GNB5: variants seen among roughly 807,000 people sequenced by gnomAD.
The protein encoded by GNB5 is guanine nucleotide-binding protein subunit beta-5.
Under a neutral mutation model 55.3 loss-of-function variants are expected in GNB5, and 37 were observed. The ratio of observed to expected loss-of-function variants is 0.67; its 90% CI spans 0.51 to 0.88. The LOEUF is 0.88. GNB5 is among the 40% of genes least tolerant of loss of function. The pLI is 0.00. For synonymous variants in GNB5, 219 were observed against 198.5 expected (o/e 1.10, Z -0.87); for missense variants, 476 against 515.3 (o/e 0.92, Z 0.74).
In GNB5 at chr15:52,123,258, C is replaced by T. The variant is rs181668451; in HGVS notation, c.1177-490G>A. Among the ~76,000 whole-genome samples, 3 of 152,306 alleles carry T rather than the reference C, an allele frequency of 2.0e-5. No individual in the cohort carries two copies. The East Asian group carries it at 5.8e-4, about 29-fold the overall frequency. On this transcript the variant is annotated intron_variant, in intron 12 of 12. Transcript: ENST00000261837. The stretch of plus-strand genomic sequence containing the variant: ...CAACTTACCCTCTTTAGAAAACACA[C>T]CCATGTCTCAGGACAATATAGAGCA...
At chr15:52,186,871 A>C (rs2034853479) in intron 1 of GNB5, among the ~76,000 whole-genome samples, 1 of 152,160 alleles carries the variant, frequency 6.6e-6, no homozygotes, top group African/African-American at 2.4e-5. Flanking sequence ...CAGTCAGCAC[A>C]GTTCGAGACC....
intron 12 of GNB5, among the ~76,000 whole-genome samples, chr15:52,124,145 C>A (rs1409142911): frequency 6.6e-6 from 1 of 152,036 alleles, no homozygotes; most frequent in Non-Finnish European, 1.5e-5. Flanking sequence ...GACTGGTTAT[C>A]TGTGGTTTGC....
At position 52,122,800 on chromosome 15, in the gene GNB5, C is replaced by T. The variant is rs773812798; in HGVS notation, c.1177-32G>A. The T allele has an allele frequency of 5.1e-6, 8 of 1,576,722 alleles. No homozygotes were observed. The African/African-American group carries it at 1.1e-4, about 21-fold the overall frequency. On this transcript the variant is annotated intron_variant, in intron 12 of 12. Transcript: ENST00000261837. The stretch of plus-strand genomic sequence containing the variant: ...AGACACAAACAGATAGTTTTTAGAC[C>T]TTTGTAGTTAACAACTTATAAAACT...
At chr15:52,190,778 TAAAAAAAAAAAAAAAAAAAAAAAAA>T (rs58614125) in intron 1 of GNB5, among the ~76,000 whole-genome samples, 3 of 96,934 alleles carry the variant, frequency 3.1e-5, no homozygotes, top group African/African-American at 4.4e-5. Flanking sequence ...CTTATTTCCT[TAAAAAAAAAAAAAAAAAAAAAAAAA>T]AAAAAAAAAA....
chr15:52,130,368 A>C, intron 9 of GNB5, among the ~76,000 whole-genome samples: 1 of 152,232 alleles, frequency 6.6e-6, no homozygotes, highest in East Asian at 1.9e-4. Flanking sequence ...GGCCCACTGA[A>C]TCAGTCCCTG....
At chr15:52,171,174 A>G (rs2034548380) in intron 3 of GNB5, among the ~76,000 whole-genome samples, 2 of 152,064 alleles carry the variant, frequency 1.3e-5, no homozygotes, top group South Asian at 4.2e-4. Context: ...TGGAGAATTA[A>G]GTTATGGGAC....
intron 7 of GNB5, chr15:52,136,895 A>C (rs1457689848): frequency 1.4e-5 from 6 of 431,570 alleles, no homozygotes; most frequent in Non-Finnish European, 2.7e-5. Flanking sequence ...AACCATATTG[A>C]GACCAAGTAA....
intron 3 of GNB5, among the ~76,000 whole-genome samples, chr15:52,179,077 T>C (rs987632043): frequency 6.6e-6 from 1 of 152,228 alleles, no homozygotes; most frequent in Non-Finnish European, 1.5e-5. Flanking sequence ...ACAGAGCCAG[T>C]TCTGAATTAC....
At chr15:52,187,063 C>T (rs1180716287) in intron 1 of GNB5, among the ~76,000 whole-genome samples, 2 of 152,160 alleles carry the variant, frequency 1.3e-5, no homozygotes, top group East Asian at 3.9e-4. Context: ...AGAGCTGAGT[C>T]TGTAAGTAGC....
intron 4 of GNB5, among the ~76,000 whole-genome samples, chr15:52,150,414 C>G (rs960918945): frequency 1.3e-5 from 2 of 152,156 alleles, no homozygotes; most frequent in Non-Finnish European, 2.9e-5. Context: ...CATCCAGGAA[C>G]CCCCCTCCCC....
intron 6 of GNB5, among the ~76,000 whole-genome samples, chr15:52,142,554 C>T (rs956822397): frequency 6.8e-6 from 1 of 148,062 alleles, no homozygotes; most frequent in African/African-American, 2.4e-5. Context: ...CTCTTCAAGC[C>T]AGCTGTGTTT....
rs1401424345 is a variant in GNB5, at chr15:52,118,884, A to G, written c.*3873T>C. ...AAACTCCACGTAAAAAAAAAAAAAA[A>G]AAAAAAGTGTACAGAGATCCTAAGA... On this transcript the variant is annotated 3_prime_UTR_variant, in exon 13 of 13. Coordinates refer to ENST00000261837, the MANE Select transcript of GNB5 (RefSeq NM_016194.4). 6.6e-6 allele frequency: 1 copy of G among 151,308 alleles called. No individual in the cohort carries two copies. Among genetic ancestry groups the G allele is most frequent in the East Asian group, 1.9e-4 (1 of 5,160 alleles). The allele number at this position is 151,308 out of a possible 1,614,324, so 9.4% of individuals were successfully genotyped here. A position where few individuals can be genotyped will look rare whatever the true frequency, so the allele number is the denominator to read the frequency against.
chr15:52,141,392 T>C, intron 6 of GNB5, 120 bp from the exon 7 acceptor site: 1 of 719,530 alleles, frequency 1.4e-6, no homozygotes, highest in Non-Finnish European at 2.3e-6. Context: ...ATTGTACCCT[T>C]TCCTCCAACT....
chr15:52,164,393 C>G (rs923902494), intron 3 of GNB5, among the ~76,000 whole-genome samples: 10 of 146,166 alleles, frequency 6.8e-5, no homozygotes, highest in Non-Finnish European at 1.3e-4. Flanking sequence ...CCGAGGCGGG[C>G]GGATCACGAA....
intron 10 of GNB5, 54 bp downstream of exon 10, chr15:52,128,142 G>T: frequency 9.0e-7 from 1 of 1,107,254 alleles, no homozygotes; most frequent in African/African-American, 1.5e-5. Context: ...CTTAAAATAA[G>T]TTAGCAGATC....
At position 52,117,858 on chromosome 15, in the gene GNB5, G is replaced by A. The variant is rs2033176466; in HGVS notation, c.*4899C>T. 1 of 152,394 alleles carries A rather than the reference G, an allele frequency of 6.6e-6. No homozygotes were observed. The highest frequency in any genetic ancestry group is 2.4e-5 in the African/African-American group (1 of 41,476). The allele number at this position is 152,394 out of a possible 1,614,324, so 9.4% of individuals were successfully genotyped here. A position where few individuals can be genotyped will look rare whatever the true frequency, so the allele number is the denominator to read the frequency against. On this transcript the variant is annotated 3_prime_UTR_variant, in exon 13 of 13. Transcript: ENST00000261837. ...CTCAGGGCAGGGCCCTGAAGGCGCAGTGCAGGAACCTGCCATGGGTGGGAC... is the reference window on the plus strand; with the variant it reads ...CTCAGGGCAGGGCCCTGAAGGCGCAATGCAGGAACCTGCCATGGGTGGGAC...
At chr15:52,136,498 G>C (rs896316120) in intron 7 of GNB5, among the ~76,000 whole-genome samples, 3 of 152,148 alleles carry the variant, frequency 2.0e-5, no homozygotes, top group Admixed American at 6.5e-5. Flanking sequence ...TGGGGCCTGA[G>C]CGTCTACACT....
intron 3 of GNB5, among the ~76,000 whole-genome samples, chr15:52,179,249 C>T (rs1268152170): frequency 6.6e-6 from 1 of 152,160 alleles, no homozygotes; most frequent in Non-Finnish European, 1.5e-5. Context: ...AGCTCCCCGC[C>T]CCAAGGATAG....
chr15:52,154,011 T>G lies in GNB5; in HGVS notation c.304A>C (p.Lys102Gln), dbSNP rs184640370. The G allele has an allele frequency of 2.5e-6, 4 of 1,614,158 alleles. No individual in the cohort carries two copies. The highest frequency in any genetic ancestry group is 3.3e-5 in the Admixed American group (2 of 60,028). ...CACAGGACTTTGTTCCCGTGGCCTT[T>G]GAGGGTCCTTCTGGTCTTCATGACA... ...QFVMKTRRTL[K>Q]GHGNKVLCMD... The change falls in exon 4 of 13, where the codon AAA (lysine) becomes CAA (glutamine). Residue 102 changes from lysine to glutamine, a missense_variant. Lys to Gln is a moderately conservative substitution (Grantham distance 53, BLOSUM62 1). Coordinates refer to ENST00000261837, the MANE Select transcript of GNB5 (RefSeq NM_016194.4).
Sources: allele counts gnomAD v4.1 joint callset (sites outside exome capture counted in the v4.1 genomes callset), GRCh38; gene constraint gnomAD v4.1.1; transcripts MANE v1.5; gene names NCBI Gene and HGNC (gene_info 2026-07-23, HGNC 2026-07-21).